Variants in ADARB2 observed in about 807,000 individuals in gnomAD.
ADARB2 encodes adenosine deaminase RNA specific B2 (inactive), also known as inactive double-stranded RNA-specific editase B2.
ADARB2 carries 25 observed loss-of-function variants against 62.2 expected under a neutral mutation model. That is an observed-to-expected ratio of 0.40 (90% CI 0.29 to 0.56). The LOEUF (loss-of-function observed/expected upper bound fraction) is 0.56, where lower values mean the gene tolerates loss of function less well. Among genes scored for constraint, ADARB2 ranks in the 20% least tolerant of loss-of-function variants. The pLI is 0.43. For missense variants in ADARB2, 1,071 were observed against 1,077.4 expected, an observed-to-expected ratio of 0.99 and a Z score of 0.08; for synonymous variants, 572 against 500.8, an observed-to-expected ratio of 1.14 and a Z score of -1.90.
chr10:1,609,354 G>A (rs1219712784), intron 1 of ADARB2, among the ~76,000 whole-genome samples: 3 of 152,238 alleles, frequency 2.0e-5, no homozygotes, highest in Non-Finnish European at 4.4e-5. Flanking sequence ...TTGTCTCCCT[G>A]ATTAACTCTT....
intron 1 of ADARB2, among the ~76,000 whole-genome samples, chr10:1,616,094 C>G (rs1388896872): frequency 1.3e-5 from 2 of 152,170 alleles, no homozygotes; most frequent in Non-Finnish European, 2.9e-5. Flanking sequence ...TTTGTGCCCT[C>G]CTTCAGAAGT....
At chr10:1,351,244 G>A (rs1832134642) in intron 3 of ADARB2, among the ~76,000 whole-genome samples, 1 of 152,160 alleles carries the variant, frequency 6.6e-6, no homozygotes, top group South Asian at 2.1e-4. Flanking sequence ...CACCTCAGAA[G>A]CCTCCTGGAC....
chr10:1,598,665 C>G (rs1347758842), intron 1 of ADARB2, among the ~76,000 whole-genome samples: 1 of 152,204 alleles, frequency 6.6e-6, no homozygotes, highest in Admixed American at 6.5e-5. Flanking sequence ...GATCCCTGGG[C>G]AGGAGGAGCC....
At chr10:1,521,774 C>T (rs111853101) in intron 1 of ADARB2, among the ~76,000 whole-genome samples, 1 of 149,010 alleles carries the variant, frequency 6.7e-6, no homozygotes, top group Non-Finnish European at 1.5e-5. Flanking sequence ...GGCACCCCCC[C>T]ATCCACCCCC....
intron 1 of ADARB2, among the ~76,000 whole-genome samples, chr10:1,391,682 T>C (rs141440820): frequency 1.7e-3 from 263 of 152,290 alleles, no homozygotes; most frequent in African/African-American, 6.2e-3. Flanking sequence ...ATCTGGAAAC[T>C]TATTCATGTG....
At chr10:1,708,863 C>T (rs896690118) in intron 1 of ADARB2, among the ~76,000 whole-genome samples, 3 of 152,146 alleles carry the variant, frequency 2.0e-5, no homozygotes, top group Admixed American at 6.5e-5. Context: ...GCAAGCCACA[C>T]CTGTGAACAT....
chr10:1,562,956 C>T (rs1369114197), intron 1 of ADARB2, among the ~76,000 whole-genome samples: 1 of 152,272 alleles, frequency 6.6e-6, no homozygotes, highest in Non-Finnish European at 1.5e-5. Context: ...CTTAATCTCT[C>T]AGCCAGAAAG....
intron 1 of ADARB2, among the ~76,000 whole-genome samples, chr10:1,664,589 A>T (rs539570501): frequency 1.2e-4 from 19 of 152,306 alleles, no homozygotes; most frequent in African/African-American, 4.3e-4. Flanking sequence ...TACGGCGAGC[A>T]GGCTGTGTGC....
rs4880784 is a variant in ADARB2 at position 1,180,765 on chromosome 10, C to T, written c.*2428G>A. 50,860 of 152,220 alleles carry T rather than the reference C, an allele frequency of 0.33. 8,554 individuals carry two copies. Among genetic ancestry groups the T allele is most frequent in the Admixed American group, 0.4 (6,108 of 15,290 alleles). 9.4% of individuals were successfully genotyped at this position (152,220 alleles called of 1,614,324 possible). A position where few individuals can be genotyped will look rare whatever the true frequency, so the allele number is the denominator to read the frequency against. On this transcript the variant is annotated 3_prime_UTR_variant, in exon 10 of 10. Transcript: ENST00000381312. The stretch of plus-strand genomic sequence containing the variant: ...GCATTGGAAACTCTTCTGTCGCTAT[C>T]GGCCTTCTCTGAAGAGCTTTAATCT...
chr10:1,365,396 C>T (rs371644143), intron 2 of ADARB2, among the ~76,000 whole-genome samples: 1 of 152,100 alleles, frequency 6.6e-6, no homozygotes, highest in Non-Finnish European at 1.5e-5. Flanking sequence ...CCTGAGAAGC[C>T]CCAATATTGA....
At chr10:1,216,884 G>A in intron 7 of ADARB2, 67 bp downstream of exon 7, 1 of 1,565,912 alleles carries the variant, frequency 6.4e-7, no homozygotes, top group Admixed American at 1.8e-5. Context: ...GGGATGCAGG[G>A]AGCCTGGGGC....
intron 1 of ADARB2, among the ~76,000 whole-genome samples, chr10:1,696,974 T>TG (rs1834754787): frequency 6.6e-6 from 1 of 151,826 alleles, no homozygotes; most frequent in Non-Finnish European, 1.5e-5. Flanking sequence ...TTTTGTGATT[T>TG]TTTTTTTTTA....
chr10:1,366,075 G>A (rs1286696972), intron 2 of ADARB2, among the ~76,000 whole-genome samples: 2 of 152,194 alleles, frequency 1.3e-5, no homozygotes, highest in Non-Finnish European at 2.9e-5. Context: ...ATGCAGCCAT[G>A]CGTCTGTGAC....
intron 1 of ADARB2, among the ~76,000 whole-genome samples, chr10:1,721,250 C>G (rs1234224499): frequency 6.6e-6 from 1 of 152,142 alleles, no homozygotes; most frequent in Non-Finnish European, 1.5e-5. Flanking sequence ...AAAAATAAAG[C>G]TATAAAGAGA....
chr10:1,272,428 C>T (rs1831271323), intron 3 of ADARB2, among the ~76,000 whole-genome samples: 1 of 152,246 alleles, frequency 6.6e-6, no homozygotes, highest in Non-Finnish European at 1.5e-5. Flanking sequence ...GTGAAAACAG[C>T]CCTGCCTGCC....
At chr10:1,510,110 C>CTCTCTCTCTTTCTTTCTT (rs1554767637) in intron 1 of ADARB2, among the ~76,000 whole-genome samples, 4 of 106,252 alleles carry the variant, frequency 3.8e-5, no homozygotes, top group South Asian at 7.4e-4. Context: ...CTTTCTTTCT[C>CTCTCTCTCTTTCTTTCTT]TCTTTCTTTC....
At chr10:1,709,882 G>C (rs1834930374) in intron 1 of ADARB2, among the ~76,000 whole-genome samples, 1 of 152,216 alleles carries the variant, frequency 6.6e-6, no homozygotes, top group Admixed American at 6.5e-5. Flanking sequence ...ACTTTAAGCA[G>C]AATTTCAAGT....
In ADARB2 at chr10:1,184,925, C is replaced by T. The variant is rs1456754059; in HGVS notation, c.1979G>A (p.Cys660Tyr). 1.9e-6 allele frequency: 3 copies of T among 1,613,966 alleles called. No individual in the cohort carries two copies. The highest frequency in any genetic ancestry group is 1.7e-4 in the Middle Eastern group (1 of 6,046). Residue 660 changes from cysteine to tyrosine, a missense_variant, in exon 9 of 10, where the codon TGT becomes TAT. Cys to Tyr is a radical substitution (Grantham distance 194, BLOSUM62 -2). Coordinates refer to ENST00000381312, the MANE Select transcript of ADARB2 (RefSeq NM_018702.4). ...CTTGCAGAGCCGGGATGGGCCCCCA[C>T]AGCTCCTCCGCCCAGTGGTGGCGTT... ...IINATTGRRS[C>Y]GGPSRLCKHV...
chr10:1,258,306 C>G (rs1831099582), intron 4 of ADARB2, among the ~76,000 whole-genome samples: 2 of 152,082 alleles, frequency 1.3e-5, no homozygotes. Flanking sequence ...TCACACATAA[C>G]AATACTAACC....
Sources: gnomAD v4.1 joint callset for allele counts (sites outside exome capture counted in the v4.1 genomes callset) on GRCh38, gnomAD v4.1.1 for gene constraint, MANE v1.5 for transcripts, NCBI Gene and HGNC (gene_info 2026-07-23, HGNC 2026-07-21) for gene names.